Variants in CAPN13 observed in about 807,000 individuals in gnomAD.
The protein encoded by CAPN13 is calpain-13.
CAPN13 carries 90 observed loss-of-function variants against 98.4 expected under a neutral mutation model. The ratio of observed to expected loss-of-function variants is 0.92; its 90% confidence interval spans 0.77 to 1.09. The LOEUF (loss-of-function observed/expected upper bound fraction) is 1.09, where lower values mean the gene tolerates loss of function less well. Among genes scored for constraint, CAPN13 ranks in the 50% least tolerant of loss-of-function variants. The pLI, the probability that CAPN13 is intolerant of heterozygous loss-of-function variation, is 0.00. For missense variants in CAPN13, 887 were observed against 841.3 expected, an observed-to-expected ratio of 1.05 and a Z score of -0.67; for synonymous variants, 330 against 305.5, an observed-to-expected ratio of 1.08 and a Z score of -0.84.
chr2:30,767,874 G>A (rs1572845479), intron 5 of CAPN13, among the ~76,000 whole-genome samples: 2 of 152,290 alleles, frequency 1.3e-5, no homozygotes, highest in East Asian at 1.9e-4. Context: ...GCTGCAGAAT[G>A]GACGGGAAAG....
intron 1 of CAPN13, among the ~76,000 whole-genome samples, chr2:30,802,197 A>G (rs979492225): frequency 6.6e-5 from 10 of 151,978 alleles, no homozygotes; most frequent in Non-Finnish European, 1.5e-5. Flanking sequence ...CAAATCCAGT[A>G]GTACCAGTGG....
intron 22 of CAPN13, among the ~76,000 whole-genome samples, chr2:30,728,876 C>T (rs113811494): frequency 1.4e-3 from 214 of 152,162 alleles, no homozygotes; most frequent in African/African-American, 4.8e-3. Context: ...AAGCAGTTAG[C>T]AGGGAGAGTG....
chr2:30,759,820 G>A (rs189369832), intron 7 of CAPN13, among the ~76,000 whole-genome samples: 17 of 152,280 alleles, frequency 1.1e-4, no homozygotes, highest in African/African-American at 4.1e-4. Context: ...CCTTGGCCTC[G>A]ACTGTGACCC....
chr2:30,731,949 C>T (rs1373373608), intron 20 of CAPN13, among the ~76,000 whole-genome samples: 1 of 152,172 alleles, frequency 6.6e-6, no homozygotes, highest in East Asian at 1.9e-4. Context: ...CACTGTGGCC[C>T]GACTGTGGCT....
At chr2:30,727,708 A>G (rs114799732) in intron 22 of CAPN13, among the ~76,000 whole-genome samples, 9,107 of 152,242 alleles carry the variant, frequency 0.06, 369 homozygotes, top group Middle Eastern at 0.14. Flanking sequence ...AGCTGGTGGG[A>G]ATGTAAAATG....
intron 2 of CAPN13, among the ~76,000 whole-genome samples, chr2:30,784,713 C>T (rs1674172117): frequency 6.6e-6 from 1 of 152,212 alleles, no homozygotes; most frequent in Admixed American, 6.5e-5. Context: ...AACCAGACTC[C>T]TGGGTTCAAA....
At chr2:30,783,770 C>T (rs17010271) in intron 2 of CAPN13, among the ~76,000 whole-genome samples, 75,459 of 152,032 alleles carry the variant, frequency 0.5, 19,903 homozygotes, top group South Asian at 0.65. Context: ...GCCTAAAACA[C>T]CTTGGTGCTA....
chr2:30,786,898 G>C (rs1050033167), intron 2 of CAPN13, among the ~76,000 whole-genome samples: 2 of 152,306 alleles, frequency 1.3e-5, no homozygotes, highest in Non-Finnish European at 2.9e-5. Flanking sequence ...TTTTAATTTA[G>C]TGGTGTACTT....
At chr2:30,754,262 A>G (rs1457111007) in intron 9 of CAPN13, 28 bp downstream of exon 9, 3 of 1,555,288 alleles carry the variant, frequency 1.9e-6, no homozygotes, top group Non-Finnish European at 2.6e-6. Context: ...AAAGATTTAA[A>G]ACACCATTGT....
intron 2 of CAPN13, among the ~76,000 whole-genome samples, chr2:30,783,902 T>C (rs6711113): frequency 0.62 from 93,694 of 151,962 alleles, 29,642 homozygotes; most frequent in African/African-American, 0.72. Context: ...AACATGAGGC[T>C]GGGTGTGGTG....
intron 1 of CAPN13, among the ~76,000 whole-genome samples, chr2:30,802,085 G>T (rs931896925): frequency 5.3e-5 from 8 of 152,174 alleles, no homozygotes; most frequent in African/African-American, 1.9e-4. Context: ...TCTGTGCCTG[G>T]CCATTCTGGG....
chr2:30,725,254 A>G (rs1399149155), intron 22 of CAPN13, among the ~76,000 whole-genome samples: 2 of 140,800 alleles, frequency 1.4e-5, no homozygotes, highest in Non-Finnish European at 3.0e-5. Context: ...ATATTTAAAC[A>G]TATTTTAACA....
At position 30,729,883 on chromosome 2, in the gene CAPN13, A is replaced by C. The variant is rs529790621; in HGVS notation, c.*30+847T>G. 2.0e-5 allele frequency: 3 copies of C among 152,364 alleles called. 1 individual carries two copies. In the South Asian group the frequency reaches 6.2e-4, roughly 32 times the overall value. 9.4% of individuals were successfully genotyped at this position (152,364 alleles called of 1,614,324 possible). A position where few individuals can be genotyped will look rare whatever the true frequency, so the allele number is the denominator to read the frequency against. On this transcript the variant is annotated intron_variant, in intron 22 of 22. Transcript: ENST00000295055. ...TGGCACATAGAGAATGGTCACCAGG[A>C]GGTCTGGATGAAAACCAACATGAAT...
intron 1 of CAPN13, among the ~76,000 whole-genome samples, chr2:30,789,589 G>A (rs1400107919): frequency 2.0e-5 from 3 of 152,184 alleles, no homozygotes; most frequent in Non-Finnish European, 4.4e-5. Context: ...ATGGAGGACT[G>A]GCCAGACTTT....
Position 30,757,979 on chromosome 2 carries a change from T to C in CAPN13, c.866+67A>G, listed in dbSNP as rs1031344961. 3.3e-5 allele frequency: 41 copies of C among 1,231,192 alleles called. No individual in the cohort carries two copies. The African/African-American group carries it at 5.0e-4, about 15-fold the overall frequency. 76.3% of individuals were successfully genotyped at this position (1,231,192 alleles called of 1,614,324 possible). A position where few individuals can be genotyped will look rare whatever the true frequency, so the allele number is the denominator to read the frequency against. The stretch of plus-strand genomic sequence containing the variant: ...AGTGGCTAGATAGCCCCTGCTCTCA[T>C]GGGCAGGAGGCTCTACCGACACCAA... On this transcript the variant is annotated intron_variant, in intron 8 of 22. Coordinates refer to ENST00000295055, the MANE Select transcript of CAPN13 (RefSeq NM_144575.3).
intron 11 of CAPN13, among the ~76,000 whole-genome samples, chr2:30,748,617 C>T (rs571434557): frequency 6.6e-6 from 1 of 152,132 alleles, no homozygotes; most frequent in South Asian, 2.1e-4. Context: ...AAGTCTACAA[C>T]TTTTGCATCC....
At chr2:30,791,230 A>G (rs1215758117) in intron 1 of CAPN13, among the ~76,000 whole-genome samples, 1 of 152,246 alleles carries the variant, frequency 6.6e-6, no homozygotes, top group African/African-American at 2.4e-5. Context: ...AGCAACAGTG[A>G]TAAGTATGTG....
intron 11 of CAPN13, among the ~76,000 whole-genome samples, chr2:30,748,799 G>A (rs911646640): frequency 3.9e-5 from 6 of 152,094 alleles, no homozygotes; most frequent in Admixed American, 3.3e-4. Context: ...TATCATCAGC[G>A]GGTTTGAGGC....
chr2:30,770,456 G>A lies in CAPN13; in HGVS notation c.388-7C>T. ...ACTGGCCACATTGCCAGAACTGGAA[G>A]AGAGCCAAGCATATGCTTTGACAGA... On this transcript the variant is annotated splice_region_variant and splice_polypyrimidine_tract_variant and intron_variant, in intron 4 of 22. Coordinates refer to ENST00000295055, the MANE Select transcript of CAPN13 (RefSeq NM_144575.3). 2.5e-6 allele frequency: 4 copies of A among 1,613,712 alleles called. No homozygotes were observed. The South Asian group carries it at 4.4e-5, about 18-fold the overall frequency.
Sources: gnomAD v4.1 joint callset for allele counts (sites outside exome capture counted in the v4.1 genomes callset) on GRCh38, gnomAD v4.1.1 for gene constraint, MANE v1.5 for transcripts, NCBI Gene and HGNC (gene_info 2026-07-23, HGNC 2026-07-21) for gene names.